ANKRD10: variants seen among roughly 807,000 people sequenced by gnomAD.
ANKRD10 encodes the protein ankyrin repeat domain-containing protein 10.
A neutral mutation model predicts 27.0 loss-of-function variants in ANKRD10; 14 were observed. The ratio of observed to expected loss-of-function variants is 0.52; its 90% CI spans 0.34 to 0.81. The LOEUF (loss-of-function observed/expected upper bound fraction) is 0.81. Among genes scored for constraint, ANKRD10 ranks in the 40% least tolerant of loss-of-function variants. The pLI, the probability that ANKRD10 is intolerant of heterozygous loss-of-function variation, is 0.01. For missense variants in ANKRD10, 493 were observed against 544.0 expected (o/e 0.91, Z 0.93); for synonymous variants, 250 against 224.5 (o/e 1.11, Z -1.01).
At chr13:110,899,957 A>C (rs150082485) in intron 3 of ANKRD10, among the ~76,000 whole-genome samples, 67 of 152,276 alleles carry the variant, frequency 4.4e-4, no homozygotes, top group African/African-American at 1.6e-3. Context: ...CAACCCTATA[A>C]TCCTGGCGCT....
chr13:110,897,007 G>A (rs1173044263), intron 3 of ANKRD10, among the ~76,000 whole-genome samples: 1 of 151,872 alleles, frequency 6.6e-6, no homozygotes, highest in Non-Finnish European at 1.5e-5. Context: ...CAGCATAATT[G>A]CATATGCATC....
At chr13:110,913,356 C>G (rs1365748245) in intron 1 of ANKRD10, among the ~76,000 whole-genome samples, 1 of 152,198 alleles carries the variant, frequency 6.6e-6, no homozygotes, top group African/African-American at 2.4e-5. Flanking sequence ...CGCAGAAGCG[C>G]AGGGAGGAGG....
chr13:110,907,420 GAAAACAGTTCATTCCTAAACTCAC>G (rs1566490891), intron 2 of ANKRD10, among the ~76,000 whole-genome samples: 2 of 152,112 alleles, frequency 1.3e-5, no homozygotes, highest in Non-Finnish European at 2.9e-5. Flanking sequence ...GGGTCACTTA[GAAAACAGTTCATTCCTAAACTCAC>G]TAAATAGCTA....
intron 3 of ANKRD10, chr13:110,894,773 T>C (rs891089218): frequency 3.9e-5 from 6 of 152,184 alleles, no homozygotes; most frequent in African/African-American, 7.2e-5. Flanking sequence ...TGCATGGCTA[T>C]GAATGGCCAT....
rs1181290783 is a variant in ANKRD10 at position 110,898,747 on chromosome 13, TTTC to T, written c.456-5487_456-5485del. On this transcript the variant is annotated intron_variant, in intron 3 of 5. Transcript: ENST00000267339. ...AACACCATACCCAACTAGTTTTTCTTTTCTTTTTTTTTTTTTTTTTTTTTTGAG... is the reference window on the plus strand; with the variant it reads ...AACACCATACCCAACTAGTTTTTCTTTTTTTTTTTTTTTTTTTTTTTTGAG... Among the ~76,000 whole-genome samples, 6 of 113,424 alleles carry T rather than the reference TTTC, an allele frequency of 5.3e-5. No individual in the cohort carries two copies. In the East Asian group the frequency reaches 1.1e-3, roughly 20 times the overall value. 74.4% of individuals were successfully genotyped at this position (113,424 alleles called of 152,430 possible). A position where few individuals can be genotyped will look rare whatever the true frequency, so the allele number is the denominator to read the frequency against.
intron 1 of ANKRD10, among the ~76,000 whole-genome samples, chr13:110,912,379 C>T (rs779761735): frequency 6.6e-6 from 1 of 152,212 alleles, no homozygotes. Flanking sequence ...CCCTCTTCAA[C>T]CAACTTGGAC....
chr13:110,914,150 C>T (rs925355789), intron 1 of ANKRD10, among the ~76,000 whole-genome samples: 1 of 152,208 alleles, frequency 6.6e-6, no homozygotes, highest in Admixed American at 6.5e-5. Context: ...CGGGGCCTTC[C>T]AGTCCCGCCG....
chr13:110,900,326 T>G (rs2065348842), intron 3 of ANKRD10, among the ~76,000 whole-genome samples: 2 of 152,230 alleles, frequency 1.3e-5, no homozygotes, highest in South Asian at 4.1e-4. Context: ...GGATGTTTTC[T>G]TATTGTTAAT....
At chr13:110,912,104 C>G (rs1399010064) in intron 1 of ANKRD10, among the ~76,000 whole-genome samples, 2 of 152,184 alleles carry the variant, frequency 1.3e-5, no homozygotes, top group Non-Finnish European at 2.9e-5. Flanking sequence ...ACAAATTTAC[C>G]AAGTGCCTAC....
Position 110,891,871 on chromosome 13 carries a change from C to CTTTTT in ANKRD10, c.691+1152_691+1156dup, listed in dbSNP as rs10553815. Among the ~76,000 whole-genome samples the CTTTTT allele has an allele frequency of 6.5e-3, 791 of 121,146 alleles. 5 individuals carry two copies. The highest frequency in any genetic ancestry group is 0.038 in the Admixed American group (424 of 11,040). The allele number at this position is 121,146 out of a possible 152,430, so 79.5% of individuals were successfully genotyped here. On this transcript the variant is annotated intron_variant, in intron 4 of 5. Coordinates refer to ENST00000267339, the MANE Select transcript of ANKRD10 (RefSeq NM_017664.4). Reference sequence around the variant, plus strand: ...TATCACATTTACCTTCTTATTAAGACTTTTTTTTTTTTTTTTTTTTAAATA... The same window carrying CTTTTT: ...TATCACATTTACCTTCTTATTAAGACTTTTTTTTTTTTTTTTTTTTTTTTTAAATA...
At chr13:110,901,759 G>A (rs905291105) in intron 3 of ANKRD10, among the ~76,000 whole-genome samples, 9 of 152,146 alleles carry the variant, frequency 5.9e-5, no homozygotes, top group Non-Finnish European at 1.2e-4. Context: ...TAGATAAAAG[G>A]AGGCTGCACA....
Position 110,879,794 on chromosome 13 carries a change from C to T in ANKRD10, c.1106G>A (p.Gly369Glu), listed in dbSNP as rs1289308598. ...GTAGTGTCCATAGTACAGGTTATCC[C>T]CAATGTCTTCCACCCAGGAAGGCCT... ...ASRPSWVEDI[G>E]DNLYYGHYHG... The change falls in exon 6 of 6, where the codon GGG becomes GAG. Residue 369 changes from glycine (G) to glutamate (E), a missense_variant. Gly to Glu is a moderately conservative substitution (Grantham distance 98). Coordinates refer to ENST00000267339, the MANE Select transcript of ANKRD10 (RefSeq NM_017664.4). 5 of 1,614,224 alleles carry T rather than the reference C, an allele frequency of 3.1e-6. No individual in the cohort carries two copies. Among genetic ancestry groups the T allele is most frequent in the Non-Finnish European group, 3.4e-6 (4 of 1,180,044 alleles).
chr13:110,906,923 A>G (rs2065555631), intron 2 of ANKRD10, among the ~76,000 whole-genome samples: 1 of 152,164 alleles, frequency 6.6e-6, no homozygotes, highest in South Asian at 2.1e-4. Context: ...ACCCAGGTCT[A>G]CACTGCATGA....
At chr13:110,913,525 TTTTCA>T (rs1431168602) in intron 1 of ANKRD10, among the ~76,000 whole-genome samples, 3 of 152,218 alleles carry the variant, frequency 2.0e-5, no homozygotes, top group East Asian at 1.9e-4. Flanking sequence ...TCAAAACTCC[TTTTCA>T]TTTCTTTTAT....
chr13:110,898,418 T>A (rs575300465), intron 3 of ANKRD10, among the ~76,000 whole-genome samples: 1 of 152,370 alleles, frequency 6.6e-6, no homozygotes, highest in East Asian at 1.9e-4. Context: ...ATGTTTTAAT[T>A]GCTAAAATTC....
At chr13:110,891,800 A>C (rs1464559928) in intron 4 of ANKRD10, among the ~76,000 whole-genome samples, 2 of 150,798 alleles carry the variant, frequency 1.3e-5, no homozygotes, top group Non-Finnish European at 2.9e-5. Flanking sequence ...TCATTACTTC[A>C]CACTCCCACC....
At chr13:110,892,150 G>A (rs920942720) in intron 4 of ANKRD10, among the ~76,000 whole-genome samples, 2 of 150,740 alleles carry the variant, frequency 1.3e-5, no homozygotes, top group Admixed American at 6.6e-5. Flanking sequence ...CCCAAAAAAC[G>A]GCTAGGCACA....
intron 3 of ANKRD10, chr13:110,903,354 C>G (rs2065437592): frequency 6.5e-6 from 1 of 152,890 alleles, no homozygotes. Context: ...TAGATGTAAA[C>G]AATGGCAAAT....
At chr13:110,911,145 GGTGGGTTAAAAAACTTTGT>G (rs1257665652) in intron 1 of ANKRD10, among the ~76,000 whole-genome samples, 1 of 152,202 alleles carries the variant, frequency 6.6e-6, no homozygotes, top group African/African-American at 2.4e-5. Context: ...TAAAGGGATT[GGTGGGTTAAAAAACTTTGT>G]GTAGGCCGGG....
Sources: allele counts gnomAD v4.1 joint callset (sites outside exome capture counted in the v4.1 genomes callset), GRCh38; gene constraint gnomAD v4.1.1; transcripts MANE v1.5; gene names NCBI Gene and HGNC (gene_info 2026-07-23, HGNC 2026-07-21).